TMEM135: variants seen among roughly 807,000 people sequenced by gnomAD.
TMEM135 encodes transmembrane protein 135, also known as peroxisomal membrane protein 52.
In TMEM135, 30 loss-of-function variants were observed where a neutral mutation model predicts 60.3. That is an observed-to-expected ratio of 0.50 (90% CI 0.37 to 0.68). The LOEUF (loss-of-function observed/expected upper bound fraction) is 0.68. Among genes scored for constraint, TMEM135 ranks in the 30% least tolerant of loss-of-function variants. The pLI, the probability that TMEM135 is intolerant of heterozygous loss-of-function variation, is 0.00. For synonymous variants in TMEM135, 190 were observed against 186.7 expected (o/e 1.02, Z -0.14); for missense variants, 468 against 548.8 (o/e 0.85, Z 1.47).
At chr11:87,221,505 A>C (rs1940615672) in intron 5 of TMEM135, among the ~76,000 whole-genome samples, 1 of 152,196 alleles carries the variant, frequency 6.6e-6, no homozygotes, top group Non-Finnish European at 1.5e-5. Flanking sequence ...TCCTAAAATT[A>C]TGGTTTTGCC....
rs1174464454 is a variant in TMEM135 at position 87,326,241 on chromosome 11, T to C, written c.*4908T>C. The C allele has an allele frequency of 4.4e-6, 2 of 453,968 alleles. No individual in the cohort carries two copies. The highest frequency in any genetic ancestry group is 2.4e-5 in the Admixed American group (1 of 42,548). The allele number at this position is 453,968 out of a possible 1,614,324, so 28.1% of individuals were successfully genotyped here. On this transcript the variant is annotated 3_prime_UTR_variant, in exon 15 of 15. Transcript: ENST00000305494. Reference sequence around the variant, plus strand: ...GAGGCCATAGGCATACAACATGCTTTATCTGCCTTGCTTAGACTCAGCATC... The same window carrying C: ...GAGGCCATAGGCATACAACATGCTTCATCTGCCTTGCTTAGACTCAGCATC...
intron 3 of TMEM135, among the ~76,000 whole-genome samples, chr11:87,084,310 G>C (rs1469589152): frequency 1.0e-5 from 1 of 96,770 alleles, no homozygotes; most frequent in Non-Finnish European, 1.9e-5. Flanking sequence ...TGTAGCAGTG[G>C]TTCTTTTTTT....
chr11:87,132,957 AT>A, intron 4 of TMEM135, among the ~76,000 whole-genome samples: 1 of 152,348 alleles, frequency 6.6e-6, no homozygotes, highest in East Asian at 1.9e-4. Flanking sequence ...CTTTGGGGCC[AT>A]TATTAAGTAA....
intron 4 of TMEM135, among the ~76,000 whole-genome samples, chr11:87,129,532 C>T (rs1937848283): frequency 2.3e-5 from 3 of 130,758 alleles, no homozygotes; most frequent in African/African-American, 6.1e-5. Flanking sequence ...CGTGATCCAC[C>T]ATGCTTGGCC....
rs1460088530 is a variant in TMEM135, at chr11:87,285,369, GGTGA to G, written c.510-10409_510-10406del. Among the ~76,000 whole-genome samples, 22 of 152,168 alleles carry G rather than the reference GGTGA, an allele frequency of 1.4e-4. No homozygotes were observed. The East Asian group carries it at 3.9e-3, about 27-fold the overall frequency. ...CAAGAATGAAGCTGCAGACCCTCGC[GGTGA>G]GTGTTACAGTTCTTAAAGATGGTGT... is the stretch of plus-strand genomic sequence containing the variant. On this transcript the variant is annotated intron_variant, in intron 6 of 14. Transcript: ENST00000305494.
intron 5 of TMEM135, among the ~76,000 whole-genome samples, chr11:87,177,638 A>G (rs1383545809): frequency 6.6e-6 from 1 of 151,786 alleles, no homozygotes; most frequent in Non-Finnish European, 1.5e-5. Flanking sequence ...TCCCATTGCT[A>G]CTCCCAGGCC....
At chr11:87,158,306 T>C (rs1263084347) in intron 5 of TMEM135, among the ~76,000 whole-genome samples, 1 of 152,152 alleles carries the variant, frequency 6.6e-6, no homozygotes, top group Non-Finnish European at 1.5e-5. Context: ...TATTTAGTAG[T>C]GGAAGTGAGT....
chr11:87,174,358 G>GA (rs939700880), intron 5 of TMEM135, among the ~76,000 whole-genome samples: 6 of 151,774 alleles, frequency 4.0e-5, no homozygotes, highest in East Asian at 1.9e-4. Context: ...TATCATGTAG[G>GA]AAAAAAAAGA....
chr11:87,135,120 A>AT (rs1188906050), intron 4 of TMEM135, among the ~76,000 whole-genome samples: 1 of 152,250 alleles, frequency 6.6e-6, no homozygotes, highest in African/African-American at 2.4e-5. Context: ...AGCTCTTTAT[A>AT]TATTCTGGAT....
At chr11:87,096,126 A>G (rs1591015751) in intron 4 of TMEM135, 2 of 299,214 alleles carry the variant, frequency 6.7e-6, no homozygotes, top group Non-Finnish European at 1.3e-5. Flanking sequence ...AAGAAAACCT[A>G]CTTGTGCCAG....
intron 4 of TMEM135, among the ~76,000 whole-genome samples, chr11:87,128,628 T>A (rs1298743996): frequency 1.3e-5 from 2 of 152,218 alleles, no homozygotes; most frequent in East Asian, 3.8e-4. Flanking sequence ...AGAAAAATAC[T>A]AGTAGGAAAT....
intron 3 of TMEM135, among the ~76,000 whole-genome samples, chr11:87,087,968 T>A (rs371312299): frequency 6.6e-6 from 1 of 152,224 alleles, no homozygotes; most frequent in East Asian, 1.9e-4. Flanking sequence ...GAACTGCCGA[T>A]CCCAGGTGAT....
At chr11:87,297,701 T>C (rs1942370633) in intron 7 of TMEM135, among the ~76,000 whole-genome samples, 1 of 152,246 alleles carries the variant, frequency 6.6e-6, no homozygotes, top group Admixed American at 6.5e-5. Flanking sequence ...TTAAATTTTC[T>C]CTGTATTATA....
chr11:87,068,768 G>T (rs550218032), intron 2 of TMEM135, among the ~76,000 whole-genome samples: 10 of 146,036 alleles, frequency 6.8e-5, no homozygotes, highest in Non-Finnish European at 9.0e-5. Flanking sequence ...CCGAGATCGC[G>T]CCATTGCACT....
Position 87,114,132 on chromosome 11 carries a change from C to T in TMEM135, c.396+22737C>T, listed in dbSNP as rs984778013. Among the ~76,000 whole-genome samples the T allele has an allele frequency of 2.2e-4, 33 of 152,090 alleles. 1 individual carries two copies. The highest frequency in any genetic ancestry group is 7.5e-4 in the African/African-American group (31 of 41,524). Reference sequence around the variant, plus strand: ...CCATTTGAGGACTGAGAGTTTACCTCTCATCTAGTCTCTCTTGAAGGAAAA... The same window carrying T: ...CCATTTGAGGACTGAGAGTTTACCTTTCATCTAGTCTCTCTTGAAGGAAAA... On this transcript the variant is annotated intron_variant, in intron 4 of 14. Coordinates refer to ENST00000305494, the MANE Select transcript of TMEM135 (RefSeq NM_022918.4).
rs1942841532 is a variant in TMEM135, at chr11:87,322,598, T to A, written c.*1265T>A. ...TGACATGTAGGGATGATGATATTTT[T>A]AAAATACATTTTGTTGCTAAAAAGT... On this transcript the variant is annotated 3_prime_UTR_variant, in exon 15 of 15. Coordinates refer to ENST00000305494, the MANE Select transcript of TMEM135 (RefSeq NM_022918.4). The A allele has an allele frequency of 6.6e-6, 3 of 453,704 alleles. No homozygotes were observed. Among genetic ancestry groups the A allele is most frequent in the African/African-American group, 6.0e-5 (3 of 50,010 alleles). The allele number at this position is 453,704 out of a possible 1,614,324, so 28.1% of individuals were successfully genotyped here. A position where few individuals can be genotyped will look rare whatever the true frequency, so the allele number is the denominator to read the frequency against.
chr11:87,242,892 A>G lies in TMEM135; in HGVS notation c.509+6208A>G, dbSNP rs1293926713. Among the ~76,000 whole-genome samples the G allele has an allele frequency of 7.3e-3, 1,079 of 146,830 alleles. 9 individuals are homozygous for G. The highest frequency in any genetic ancestry group is 0.026 in the African/African-American group (1,010 of 39,522). Reference sequence around the variant, plus strand: ...TTTGTCAATTTTGGCTTTTGTTGCCATTGCTTTTGGTGTTTTAGACATGAA... The same window carrying G: ...TTTGTCAATTTTGGCTTTTGTTGCCGTTGCTTTTGGTGTTTTAGACATGAA... On this transcript the variant is annotated intron_variant, in intron 6 of 14. Coordinates refer to ENST00000305494, the MANE Select transcript of TMEM135 (RefSeq NM_022918.4).
At chr11:87,131,225 T>G (rs1937919225) in intron 4 of TMEM135, among the ~76,000 whole-genome samples, 1 of 152,212 alleles carries the variant, frequency 6.6e-6, no homozygotes, top group African/African-American at 2.4e-5. Flanking sequence ...AATTGAAGCT[T>G]ATAGTTTACA....
chr11:87,210,577 A>G (rs1274726051), intron 5 of TMEM135, among the ~76,000 whole-genome samples: 1 of 152,180 alleles, frequency 6.6e-6, no homozygotes, highest in East Asian at 1.9e-4. Context: ...GGTAAATTCT[A>G]TTAGACATAC....
Sources: allele counts gnomAD v4.1 joint callset (sites outside exome capture counted in the v4.1 genomes callset), GRCh38; gene constraint gnomAD v4.1.1; transcripts MANE v1.5; gene names NCBI Gene and HGNC (gene_info 2026-07-23, HGNC 2026-07-21).